The following CLVS1 variants were observed in gnomAD, a reference collection of about 807,000 sequenced individuals.
CLVS1 encodes the protein clavesin-1.
Under a neutral mutation model 33.1 loss-of-function variants are expected in CLVS1, and 10 were observed. That is an observed-to-expected ratio of 0.30 (90% confidence interval 0.19 to 0.51). The LOEUF is 0.51. Among genes scored for constraint, CLVS1 ranks in the 20% least tolerant of loss-of-function variants. The pLI is 0.97. For synonymous variants in CLVS1, 163 were observed against 166.1 expected (o/e 0.98, Z 0.14); for missense variants, 343 against 433.4 (o/e 0.79, Z 1.85).
intron 2 of CLVS1, among the ~76,000 whole-genome samples, chr8:61,354,910 T>G (rs191510153): frequency 2.6e-5 from 4 of 152,314 alleles, no homozygotes; most frequent in Admixed American, 2.6e-4. Flanking sequence ...AATACACCAA[T>G]GTACGTCAGA....
At chr8:61,110,455 A>C (rs1805606454) in intron 1 of CLVS1, among the ~76,000 whole-genome samples, 1 of 152,010 alleles carries the variant, frequency 6.6e-6, no homozygotes, top group Admixed American at 6.6e-5. Context: ...ATGAATGTGG[A>C]TTTTCCCCCT....
intron 2 of CLVS1, among the ~76,000 whole-genome samples, chr8:61,223,565 T>C (rs1248428791): frequency 1.3e-5 from 2 of 152,214 alleles, no homozygotes; most frequent in African/African-American, 4.8e-5. Flanking sequence ...TCTGATGGGC[T>C]TTCCTTTGTA....
At chr8:61,002,520 G>T in the CLVS1 span, among the ~76,000 whole-genome samples, 1 of 151,756 alleles carries the variant, frequency 6.6e-6, no homozygotes, top group Admixed American at 6.6e-5. Flanking sequence ...TTTTAGTAGA[G>T]ACGGGGTTTC....
intron 2 of CLVS1, among the ~76,000 whole-genome samples, chr8:61,217,704 A>G (rs1395896480): frequency 6.6e-6 from 1 of 152,248 alleles, no homozygotes; most frequent in Non-Finnish European, 1.5e-5. Flanking sequence ...GGAAACAATC[A>G]ACAGAGTGAA....
chr8:61,242,870 G>A (rs6994257), intron 2 of CLVS1, among the ~76,000 whole-genome samples: 23,175 of 151,910 alleles, frequency 0.15, 3,671 homozygotes, highest in East Asian at 0.69. Flanking sequence ...TTCTTTCATT[G>A]TGAACATATT....
chr8:60,974,499 A>G, the CLVS1 span, among the ~76,000 whole-genome samples: 8 of 152,188 alleles, frequency 5.3e-5, no homozygotes, highest in Non-Finnish European at 1.2e-4. Context: ...ACTTCCTCAA[A>G]GTTTCTAGCC....
intron 5 of CLVS1, among the ~76,000 whole-genome samples, chr8:61,464,185 A>G (rs999126988): frequency 2.0e-5 from 3 of 152,356 alleles, no homozygotes; most frequent in East Asian, 3.9e-4. Flanking sequence ...TGGTGCCAAT[A>G]GACTTGCTGA....
the CLVS1 span, among the ~76,000 whole-genome samples, chr8:60,996,162 TA>T: frequency 8.3e-3 from 1,258 of 150,924 alleles, 18 homozygotes; most frequent in African/African-American, 0.028. Context: ...TAAAGTATAA[TA>T]AAAAAAAAAT....
At chr8:61,254,749 G>A (rs1248282749) in intron 2 of CLVS1, among the ~76,000 whole-genome samples, 1 of 152,184 alleles carries the variant, frequency 6.6e-6, no homozygotes. Context: ...CTGGTGTGCT[G>A]CTTGCTAAGA....
At chr8:60,966,141 CT>C in the CLVS1 span, 1 of 297,624 alleles carries the variant, frequency 3.4e-6, no homozygotes, top group Non-Finnish European at 6.7e-6. Flanking sequence ...TCTTTTATTT[CT>C]CTTTCCCTCT....
At chr8:61,223,088 G>A (rs1260648953) in intron 2 of CLVS1, among the ~76,000 whole-genome samples, 1 of 151,706 alleles carries the variant, frequency 6.6e-6, no homozygotes, top group Non-Finnish European at 1.5e-5. Flanking sequence ...CATAAGATGG[G>A]CCTCCTGAAT....
At position 61,108,828 on chromosome 8, in the gene CLVS1, C is replaced by T. The variant is rs185212656; in HGVS notation, c.-242-22942C>T. Among the ~76,000 whole-genome samples, 364 of 152,336 alleles carry T rather than the reference C, an allele frequency of 2.4e-3. 3 individuals are homozygous for T. Among genetic ancestry groups the T allele is most frequent in the African/African-American group, 7.2e-3 (298 of 41,574 alleles). On this transcript the variant is annotated intron_variant, in intron 1 of 2. Transcript: ENST00000522621. ...TTTTCTTTACTGAGACAGACAGCCC[C>T]ACTGAGTCAGGGGCCTGAGGGTATT...
the CLVS1 span, among the ~76,000 whole-genome samples, chr8:61,046,576 G>A: frequency 1.3e-5 from 2 of 148,876 alleles, no homozygotes; most frequent in African/African-American, 2.5e-5. Context: ...AAATTACCTT[G>A]GGCAGTATGG....
intron 2 of CLVS1, among the ~76,000 whole-genome samples, chr8:61,235,139 T>A (rs1486651): frequency 2.0e-5 from 3 of 149,466 alleles, no homozygotes; most frequent in African/African-American, 7.4e-5. Context: ...TCAATGACTC[T>A]GCTTTCCTTT....
chr8:61,461,235 G>T (rs532738079), intron 5 of CLVS1, among the ~76,000 whole-genome samples: 19 of 152,304 alleles, frequency 1.2e-4, no homozygotes, highest in African/African-American at 4.3e-4. Flanking sequence ...TTCCTAAAAT[G>T]AGTTATCCAA....
intron 1 of CLVS1, among the ~76,000 whole-genome samples, chr8:61,294,317 A>T (rs968101829): frequency 1.1e-4 from 17 of 152,154 alleles, no homozygotes; most frequent in Non-Finnish European, 2.9e-5. Context: ...TCTAATAGTA[A>T]TAACCTACCT....
intron 3 of CLVS1, among the ~76,000 whole-genome samples, chr8:61,452,544 CT>C (rs918760638): frequency 6.6e-6 from 1 of 152,078 alleles, no homozygotes; most frequent in Non-Finnish European, 1.5e-5. Context: ...GGAATGGTCT[CT>C]TTTTTTAAGG....
chr8:61,350,521 T>C (rs1193974442), intron 2 of CLVS1, among the ~76,000 whole-genome samples: 2 of 152,174 alleles, frequency 1.3e-5, no homozygotes, highest in East Asian at 3.9e-4. Flanking sequence ...TTTTGGATCC[T>C]GAATGGCAGT....
At chr8:60,998,125 CAAGG>C in the CLVS1 span, among the ~76,000 whole-genome samples, 1 of 152,106 alleles carries the variant, frequency 6.6e-6, no homozygotes, top group Admixed American at 6.5e-5. Flanking sequence ...AGTGCTCCCT[CAAGG>C]AGGATGTAAG....
Sources: gnomAD v4.1 joint callset for allele counts (sites outside exome capture counted in the v4.1 genomes callset) on GRCh38, gnomAD v4.1.1 for gene constraint, MANE v1.5 for transcripts, NCBI Gene and HGNC (gene_info 2026-07-23, HGNC 2026-07-21) for gene names.